The following TSEN15 variants were observed in gnomAD, a reference collection of about 807,000 sequenced individuals.
TSEN15 encodes the protein tRNA splicing endonuclease subunit 15.
In TSEN15, 10 loss-of-function variants were observed where a neutral mutation model predicts 20.5. The observed-to-expected ratio is 0.49, with a 90% CI of 0.30 to 0.83. The LOEUF (loss-of-function observed/expected upper bound fraction) is 0.83, where lower values mean the gene tolerates loss of function less well. Among genes scored for constraint, TSEN15 ranks in the 40% least tolerant of loss-of-function variants. TSEN15 has a pLI of 0.06. For missense variants in TSEN15, 180 were observed against 218.6 expected (o/e 0.82, Z 1.11); for synonymous variants, 72 against 80.1 (o/e 0.90, Z 0.54).
chr1:184,083,334 A>G lies in TSEN15; in HGVS notation c.354-12356A>G, dbSNP rs115596945. Among the ~76,000 whole-genome samples, 626 of 152,342 alleles carry G rather than the reference A, an allele frequency of 4.1e-3. 5 individuals are homozygous for G. The highest frequency in any genetic ancestry group is 0.014 in the African/African-American group (573 of 41,580). ...GCATGCTTATGCTACAAGATCCCTT[A>G]TATTTTGATCCCTTGCCTTAGAGTT... On this transcript the variant is annotated intron_variant, in intron 3 of 3. Coordinates refer to the TSEN15 transcript ENST00000643231.
At chr1:184,095,549 GT>G in intron 3 of TSEN15, 1 of 394,348 alleles carries the variant, frequency 2.5e-6, no homozygotes, top group Non-Finnish European at 4.5e-6. Context: ...GGTCATGAGA[GT>G]GGGGCCTTAA....
At chr1:184,079,380 C>T (rs973663443) in intron 3 of TSEN15, among the ~76,000 whole-genome samples, 44 of 152,104 alleles carry the variant, frequency 2.9e-4, no homozygotes, top group African/African-American at 1.0e-3. Context: ...CTAGGACAAC[C>T]ATTACAAAAT....
intron 3 of TSEN15, among the ~76,000 whole-genome samples, chr1:184,092,311 T>A (rs766699904): frequency 3.9e-4 from 59 of 152,186 alleles, no homozygotes; most frequent in African/African-American, 1.3e-3. Flanking sequence ...GCAACATAGG[T>A]CCATTTAAAA....
At chr1:184,061,648 A>G (rs1486781443) in intron 3 of TSEN15, among the ~76,000 whole-genome samples, 2 of 152,160 alleles carry the variant, frequency 1.3e-5, no homozygotes, top group Non-Finnish European at 2.9e-5. Context: ...AGTGGCATGT[A>G]TATTTATATG....
chr1:184,054,247 C>G (rs1367800017), intron 1 of TSEN15, 107 bp from the exon 2 acceptor site: 1 of 663,632 alleles, frequency 1.5e-6, no homozygotes, highest in Non-Finnish European at 2.5e-6. Flanking sequence ...TCCACTATAC[C>G]TAGAAGAATT....
chr1:184,067,747 G>C (rs532195032), intron 3 of TSEN15, among the ~76,000 whole-genome samples: 1 of 151,236 alleles, frequency 6.6e-6, no homozygotes, highest in Non-Finnish European at 1.5e-5. Flanking sequence ...GCAAAACCCC[G>C]TCTCTACTAA....
At chr1:184,068,596 C>A (rs1199050790) in intron 3 of TSEN15, among the ~76,000 whole-genome samples, 2 of 152,138 alleles carry the variant, frequency 1.3e-5, no homozygotes, top group Non-Finnish European at 2.9e-5. Context: ...GTTCAGTAAA[C>A]CCCCTTGGAA....
chr1:184,053,474 C>T (rs1650127093), intron 1 of TSEN15, among the ~76,000 whole-genome samples: 2 of 152,168 alleles, frequency 1.3e-5, no homozygotes, highest in Admixed American at 6.5e-5. Context: ...ATTTTCAAAA[C>T]ATGTTTGAAG....
rs1249805545 is a variant in TSEN15, at chr1:184,073,539, A to G, written c.*692A>G. The G allele has an allele frequency of 6.6e-6, 1 of 152,616 alleles. No individual in the cohort carries two copies. The highest frequency in any genetic ancestry group is 1.5e-5 in the Non-Finnish European group (1 of 68,042). The allele number at this position is 152,616 out of a possible 1,614,324, so 9.5% of individuals were successfully genotyped here. A position where few individuals can be genotyped will look rare whatever the true frequency, so the allele number is the denominator to read the frequency against. The stretch of plus-strand genomic sequence containing the variant: ...TCACATATCATAGCTTGAATATTAC[A>G]ACAGTGTGGGAGAGAATCAACCGTA... On this transcript the variant is annotated 3_prime_UTR_variant, in exon 5 of 5. Transcript: ENST00000645668.
At chr1:184,095,631 T>TTC (rs56022269) in intron 3 of TSEN15, 4,285 of 385,590 alleles carry the variant, frequency 0.011, 12 homozygotes, top group South Asian at 0.022. Flanking sequence ...TCTCTCCCCC[T>TTC]TCTCTCTCTC....
chr1:184,056,732 A>C (rs1650262516), intron 3 of TSEN15, among the ~76,000 whole-genome samples: 1 of 152,132 alleles, frequency 6.6e-6, no homozygotes, highest in African/African-American at 2.4e-5. Flanking sequence ...CCATTTACTG[A>C]ATAGTCCCTC....
chr1:184,086,318 G>A (rs1387262776), intron 3 of TSEN15, among the ~76,000 whole-genome samples: 1 of 152,222 alleles, frequency 6.6e-6, no homozygotes, highest in Non-Finnish European at 1.5e-5. Flanking sequence ...TGACATCTAA[G>A]TAGGCAAAAC....
At chr1:184,052,408 C>T (rs749861044) in intron 1 of TSEN15, among the ~76,000 whole-genome samples, 1 of 152,138 alleles carries the variant, frequency 6.6e-6, no homozygotes. Context: ...TTGCTCAAAG[C>T]AGAGCTACTC....
intron 3 of TSEN15, among the ~76,000 whole-genome samples, chr1:184,057,728 A>G (rs978062010): frequency 3.3e-5 from 5 of 152,142 alleles, no homozygotes; most frequent in African/African-American, 1.2e-4. Context: ...TCTATGAAGT[A>G]TTTTTTGTAT....
chr1:184,086,203 G>A (rs1285648806), intron 3 of TSEN15, among the ~76,000 whole-genome samples: 1 of 152,180 alleles, frequency 6.6e-6, no homozygotes, highest in African/African-American at 2.4e-5. Context: ...AGTTCAAAAT[G>A]TATTAAAATA....
At chr1:184,086,234 G>A (rs558949693) in intron 3 of TSEN15, among the ~76,000 whole-genome samples, 5 of 152,278 alleles carry the variant, frequency 3.3e-5, no homozygotes, top group Admixed American at 2.6e-4. Flanking sequence ...TTAAAAAAAT[G>A]TTATGGACAC....
intron 3 of TSEN15, among the ~76,000 whole-genome samples, chr1:184,088,656 T>C (rs1651306427): frequency 8.2e-6 from 1 of 121,688 alleles, no homozygotes; most frequent in South Asian, 2.5e-4. Context: ...ATGACTTATA[T>C]GAGTACACAT....
intron 3 of TSEN15, among the ~76,000 whole-genome samples, chr1:184,058,837 G>A (rs1251875908): frequency 1.3e-5 from 2 of 152,030 alleles, no homozygotes; most frequent in Non-Finnish European, 2.9e-5. Context: ...ATAAATTAAC[G>A]ATTCTGTTTT....
chr1:184,084,027 G>A (rs941444060), intron 3 of TSEN15, among the ~76,000 whole-genome samples: 1 of 152,106 alleles, frequency 6.6e-6, no homozygotes, highest in African/African-American at 2.4e-5. Context: ...AGACTTGCAA[G>A]GCAGAGTTTT....
Sources: gnomAD v4.1 joint callset for allele counts (sites outside exome capture counted in the v4.1 genomes callset) on GRCh38, gnomAD v4.1.1 for gene constraint, MANE v1.5 for transcripts, NCBI Gene and HGNC (gene_info 2026-07-23, HGNC 2026-07-21) for gene names.